Variants in PSD3 observed in about 807,000 individuals in gnomAD.
PSD3 encodes pleckstrin and Sec7 domain containing 3.
A neutral mutation model predicts 105.5 loss-of-function variants in PSD3; 49 were observed. The ratio of observed to expected loss-of-function variants is 0.46; its 90% CI spans 0.37 to 0.59. The LOEUF (loss-of-function observed/expected upper bound fraction) is 0.59. Ranked by LOEUF, PSD3 falls within the 20% of genes least tolerant of loss-of-function variation. The pLI, the probability that PSD3 is intolerant of heterozygous loss-of-function variation, is 0.00. For missense variants in PSD3, 1,561 were observed against 1,263.8 expected (o/e 1.24, Z -3.57); for synonymous variants, 557 against 457.8 (o/e 1.22, Z -2.77).
chr8:18,975,990 A>G (rs1824925136), intron 1 of PSD3, among the ~76,000 whole-genome samples: 1 of 152,194 alleles, frequency 6.6e-6, no homozygotes, highest in Non-Finnish European at 1.5e-5. Flanking sequence ...ATTCCCTTCC[A>G]TCCACCATTT....
intron 1 of PSD3, among the ~76,000 whole-genome samples, chr8:19,024,027 T>G (rs1027906689): frequency 6.6e-6 from 1 of 152,218 alleles, no homozygotes; most frequent in Non-Finnish European, 1.5e-5. Flanking sequence ...CCTGAAAAAT[T>G]ATCTGCATCC....
rs568805097 is a variant in PSD3 at position 18,648,990 on chromosome 8, G to A, written c.2216+6652C>T. On this transcript the variant is annotated intron_variant, in intron 10 of 15. Coordinates refer to ENST00000327040, the MANE Select transcript of PSD3 (RefSeq NM_015310.4). ...TGTCAGAGAATGTATGGAAAAGCCTGGATATCCAGGCAGACATCTGCGGCA... is the reference window on the plus strand; with the variant it reads ...TGTCAGAGAATGTATGGAAAAGCCTAGATATCCAGGCAGACATCTGCGGCA... 3.3e-5 allele frequency among the ~76,000 whole-genome samples: 5 copies of A among 152,360 alleles called. 1 individual carries two copies. The highest frequency in any genetic ancestry group is 1.2e-4 in the African/African-American group (5 of 41,586).
intron 10 of PSD3, among the ~76,000 whole-genome samples, chr8:18,641,596 T>C (rs1256961523): frequency 6.6e-6 from 1 of 152,172 alleles, no homozygotes; most frequent in Admixed American, 6.5e-5. Flanking sequence ...ACTACGGTGG[T>C]TGTTACACAA....
intron 10 of PSD3, among the ~76,000 whole-genome samples, chr8:18,652,891 T>C (rs1406300110): frequency 6.6e-6 from 1 of 152,170 alleles, no homozygotes; most frequent in African/African-American, 2.4e-5. Flanking sequence ...TTAGTAGATG[T>C]TAAAAGGTGC....
intron 9 of PSD3, among the ~76,000 whole-genome samples, chr8:18,661,392 C>T (rs187865110): frequency 2.6e-5 from 4 of 152,294 alleles, no homozygotes; most frequent in East Asian, 3.9e-4. Context: ...ATGCACCACT[C>T]TGGCAGTGTT....
At chr8:18,865,261 TATATATATATATATATATATATA>T (rs1563360279) in intron 4 of PSD3, 102 of 7,782 alleles carry the variant, frequency 0.013, 12 homozygotes, top group Non-Finnish European at 0.017. Flanking sequence ...TATATATATA[TATATATATATATATATATATATA>T]TATTTTTTTT....
At chr8:18,667,610 C>A (rs1354214477) in intron 9 of PSD3, among the ~76,000 whole-genome samples, 1 of 152,236 alleles carries the variant, frequency 6.6e-6, no homozygotes, top group Non-Finnish European at 1.5e-5. Context: ...AGGAGCCCAG[C>A]TGGCTTCACC....
chr8:18,867,664 G>A lies in PSD3; in HGVS notation c.1634+10C>T. ...CACCAGCATGAAATGAATGAGAATG[G>A]GACGAGTACCTTCCCCAGAAAGCAA... On this transcript the variant is annotated intron_variant, in intron 4 of 15. Transcript: ENST00000327040. 1 of 1,596,708 alleles carries A rather than the reference G, an allele frequency of 6.3e-7. No individual in the cohort carries two copies. Among genetic ancestry groups the A allele is most frequent in the African/African-American group, 1.3e-5 (1 of 74,648 alleles).
intron 9 of PSD3, among the ~76,000 whole-genome samples, chr8:18,702,969 C>T (rs982732062): frequency 1.3e-5 from 2 of 152,028 alleles, no homozygotes; most frequent in African/African-American, 4.8e-5. Context: ...CCTGCTATAG[C>T]CATTTTCATG....
chr8:18,848,859 T>C (rs1051990701), intron 4 of PSD3, among the ~76,000 whole-genome samples: 5 of 152,204 alleles, frequency 3.3e-5, no homozygotes, highest in African/African-American at 9.6e-5. Context: ...CTGCCATTCT[T>C]TGGCTACATT....
At chr8:18,752,546 T>TAATATATAATTATATA (rs562574903) in intron 9 of PSD3, among the ~76,000 whole-genome samples, 1 of 17,732 alleles carries the variant, frequency 5.6e-5, no homozygotes, top group Non-Finnish European at 1.2e-4. Context: ...ATTATATATA[T>TAATATATAATTATATA]TATATATAAT....
intron 1 of PSD3, among the ~76,000 whole-genome samples, chr8:18,969,777 C>G (rs1824516017): frequency 6.6e-6 from 1 of 152,108 alleles, no homozygotes; most frequent in South Asian, 2.1e-4. Flanking sequence ...TCCAAAAATT[C>G]TAGTCACGAG....
intron 9 of PSD3, among the ~76,000 whole-genome samples, chr8:18,698,043 C>T (rs921952713): frequency 9.2e-5 from 14 of 151,948 alleles, no homozygotes; most frequent in Admixed American, 2.6e-4. Context: ...AATAAGTTAA[C>T]GAACTTAAGG....
At chr8:18,987,827 AG>A (rs1270694352) in intron 1 of PSD3, among the ~76,000 whole-genome samples, 1 of 152,212 alleles carries the variant, frequency 6.6e-6, no homozygotes, top group Non-Finnish European at 1.5e-5. Context: ...AAAAAGAAAA[AG>A]AAAGAAAATA....
chr8:18,584,652 C>T (rs1174955414), intron 12 of PSD3, among the ~76,000 whole-genome samples: 5 of 152,182 alleles, frequency 3.3e-5, no homozygotes, highest in Non-Finnish European at 7.3e-5. Flanking sequence ...TCTGCCAAGC[C>T]GTTTCCTACA....
intron 9 of PSD3, among the ~76,000 whole-genome samples, chr8:18,703,824 C>A (rs576351851): frequency 6.6e-6 from 1 of 152,252 alleles, no homozygotes; most frequent in East Asian, 1.9e-4. Flanking sequence ...ACAGCTGAAT[C>A]TCAATGCTAT....
chr8:18,897,251 CT>C (rs1408659147), intron 2 of PSD3, among the ~76,000 whole-genome samples: 1 of 152,094 alleles, frequency 6.6e-6, no homozygotes, highest in East Asian at 1.9e-4. Context: ...CGTGATGTGT[CT>C]GCTTATTGAA....
chr8:18,869,852 AG>A (rs2129457062), intron 3 of PSD3, among the ~76,000 whole-genome samples: 1 of 152,276 alleles, frequency 6.6e-6, no homozygotes, highest in African/African-American at 2.4e-5. Flanking sequence ...GTTTATCTTC[AG>A]TGGTAAATTC....
At chr8:19,041,750 G>A (rs1359489279) in intron 1 of PSD3, among the ~76,000 whole-genome samples, 1 of 152,182 alleles carries the variant, frequency 6.6e-6, no homozygotes, top group Non-Finnish European at 1.5e-5. Context: ...TGAACAACAA[G>A]CATTCCTCTG....
Sources: gnomAD v4.1 joint callset for allele counts (sites outside exome capture counted in the v4.1 genomes callset) on GRCh38, gnomAD v4.1.1 for gene constraint, MANE v1.5 for transcripts, NCBI Gene and HGNC (gene_info 2026-07-23, HGNC 2026-07-21) for gene names.